ETV4: variants seen among roughly 807,000 people sequenced by gnomAD.
ETV4 encodes ETS translocation variant 4.
A neutral mutation model predicts 65.9 loss-of-function variants in ETV4; 42 were observed. The observed-to-expected ratio is 0.64, with a 90% confidence interval of 0.50 to 0.82. The LOEUF is 0.82. Ranked by LOEUF, ETV4 falls within the 40% of genes least tolerant of loss-of-function variation. The pLI, the probability that ETV4 is intolerant of heterozygous loss-of-function variation, is 0.00. For synonymous variants in ETV4, 238 were observed against 260.0 expected (o/e 0.92, Z 0.81); for missense variants, 583 against 630.3 (o/e 0.92, Z 0.80).
At chr17:43,535,672 T>C (rs1436042424) in intron 5 of ETV4, among the ~76,000 whole-genome samples, 1 of 152,226 alleles carries the variant, frequency 6.6e-6, no homozygotes, top group Non-Finnish European at 1.5e-5. Context: ...CATCATAGGA[T>C]GCTTTTAGCA....
At position 43,528,549 on chromosome 17, in the gene ETV4, T is replaced by C. The variant is rs767526603; in HGVS notation, c.1425A>G (p.Pro475=). The change falls in exon 13 of 13, where the codon CCA becomes CCG. Residue 475 remains proline (P), a synonymous_variant. Coordinates refer to ENST00000319349, the MANE Select transcript of ETV4 (RefSeq NM_001079675.5). Reference sequence around the variant, plus strand: ...AAGAGTAGCCACCCTTGGGGCCAAATGGCTGGGCGGGGCCAGCCAGCTCTG... The same window carrying C: ...AAGAGTAGCCACCCTTGGGGCCAAACGGCTGGGCGGGGCCAGCCAGCTCTG... The part of the protein sequence containing the change: ...YLPELAGPAQ[P]FGPKGGYSY 5 of 1,612,522 alleles carry C rather than the reference T, an allele frequency of 3.1e-6. No homozygotes were observed. In the South Asian group the frequency reaches 5.5e-5, roughly 18 times the overall value.
At chr17:43,534,089 A>C in intron 5 of ETV4, 104 bp from the exon 6 acceptor site, 1 of 1,234,352 alleles carries the variant, frequency 8.1e-7, no homozygotes. Context: ...GGTGACTGGT[A>C]CAGCCTCCTT....
chr17:43,536,680 T>TA (rs1271635410), intron 4 of ETV4, among the ~76,000 whole-genome samples: 3 of 152,270 alleles, frequency 2.0e-5, no homozygotes, highest in Non-Finnish European at 4.4e-5. Context: ...CTGATGAACT[T>TA]AAAATCACAA....
chr17:43,534,722 C>T (rs1435146483), intron 5 of ETV4, among the ~76,000 whole-genome samples: 1 of 152,026 alleles, frequency 6.6e-6, no homozygotes, highest in Middle Eastern at 3.4e-3. Context: ...GGCGGATCAC[C>T]TGAAGTCAGA....
chr17:43,539,591 C>T (rs910924613), intron 4 of ETV4, among the ~76,000 whole-genome samples: 4 of 152,214 alleles, frequency 2.6e-5, no homozygotes, highest in Admixed American at 6.5e-5. Flanking sequence ...TTAGAGTAGA[C>T]GCTCAGTGCT....
Position 43,529,590 on chromosome 17 carries a change from C to T in ETV4, c.1042G>A (p.Val348Met), listed in dbSNP as rs565884490. The T allele has an allele frequency of 6.2e-7, 1 of 1,614,124 alleles. No homozygotes were observed. Among genetic ancestry groups the T allele is most frequent in the Admixed American group, 1.7e-5 (1 of 60,022 alleles). ...TTTGTTGGGTCATCCAGCAAGGCCA[C>T]CAGAAATTGCCACAGCTGCAGGGCA... ...RGALQLWQFL[V>M]ALLDDPTNAH... The change falls in exon 11 of 13, where the codon GTG (valine) becomes ATG (methionine). Residue 348 changes from valine to methionine, a missense_variant. Val to Met is a conservative substitution (Grantham distance 21). Transcript: ENST00000319349.
chr17:43,529,345 T>A, intron 11 of ETV4, 109 bp from the exon 12 acceptor site: 2 of 1,401,908 alleles, frequency 1.4e-6, no homozygotes, highest in Admixed American at 1.8e-5. Context: ...CCAAGCTAGC[T>A]CTGCAACAAA....
chr17:43,532,296 C>A (rs563354684), intron 8 of ETV4, among the ~76,000 whole-genome samples: 1 of 152,228 alleles, frequency 6.6e-6, no homozygotes, highest in African/African-American at 2.4e-5. Context: ...GTCAGGAGTT[C>A]GAGACCATCC....
chr17:43,530,491 A>AG (rs565199743), intron 8 of ETV4: 1 of 1,248,724 alleles, frequency 8.0e-7, no homozygotes, highest in South Asian at 1.7e-5. Flanking sequence ...GTTCAGGGGG[A>AG]GGAGGGAGGG....
intron 5 of ETV4, 59 bp downstream of exon 5, chr17:43,536,367 T>C (rs751298923): frequency 7.0e-7 from 1 of 1,438,684 alleles, no homozygotes; most frequent in South Asian, 1.1e-5. Context: ...CTCTATCCTA[T>C]GACTCACTTC....
chr17:43,530,438 T>C, intron 8 of ETV4: 2 of 1,382,840 alleles, frequency 1.4e-6, no homozygotes, highest in Non-Finnish European at 1.9e-6. Context: ...GGGCAAGCTG[T>C]TCTGAAGGGC....
Position 43,533,339 on chromosome 17 carries a change from G to A in ETV4, c.393C>T (p.Asp131=), listed in dbSNP as rs934111095. 6 of 1,613,232 alleles carry A rather than the reference G, an allele frequency of 3.7e-6. No homozygotes were observed. In the African/African-American group the frequency reaches 5.3e-5, roughly 14 times the overall value. ...GEQCLYSSAY[D]PPRQIAIKSP... is the part of the protein sequence containing the mutation. ...ACTTGATGGCGATTTGTCTGGGGGG[G>A]TCATAGGCACTGGAGTTGAGAAGGA... The change falls in exon 7 of 13, where the codon GAC becomes GAT. Residue 131 remains aspartate, a synonymous_variant. Transcript: ENST00000319349.
At chr17:43,538,692 T>C (rs2154587205) in intron 4 of ETV4, among the ~76,000 whole-genome samples, 1 of 152,214 alleles carries the variant, frequency 6.6e-6, no homozygotes, top group South Asian at 2.1e-4. Flanking sequence ...CTCTCAAAAA[T>C]AAATGGATCA....
intron 8 of ETV4, among the ~76,000 whole-genome samples, chr17:43,531,613 A>G (rs547580688): frequency 6.6e-6 from 1 of 152,332 alleles, no homozygotes; most frequent in South Asian, 2.1e-4. Context: ...CTGAAGCATG[A>G]GAATCGCTTG....
At chr17:43,543,296 T>TCTCTCTCTCTCTCA (rs888736657) in intron 4 of ETV4, among the ~76,000 whole-genome samples, 115 of 143,400 alleles carry the variant, frequency 8.0e-4, no homozygotes, top group Non-Finnish European at 9.6e-4. Flanking sequence ...TCTCTCTCTC[T>TCTCTCTCTCTCTCA]CACACACACA....
At chr17:43,545,238 G>A (rs753852095) in intron 3 of ETV4, 36 bp downstream of exon 3, 1 of 863,214 alleles carries the variant, frequency 1.2e-6, no homozygotes, top group Non-Finnish European at 1.8e-6. Flanking sequence ...TGTGTGTGGC[G>A]GAGGAGGGTC....
chr17:43,528,953 TAC>T (rs1488080420), intron 12 of ETV4, among the ~76,000 whole-genome samples, 180 bp downstream of exon 12: 3 of 152,298 alleles, frequency 2.0e-5, no homozygotes, highest in East Asian at 3.9e-4. Context: ...GCTTCTCAGT[TAC>T]AGTGTTGCAC....
intron 8 of ETV4, among the ~76,000 whole-genome samples, chr17:43,531,001 C>T (rs1410590870): frequency 6.6e-6 from 1 of 152,140 alleles, no homozygotes; most frequent in Admixed American, 6.5e-5. Context: ...CAATCCCCTC[C>T]GGTCTACAGC....
At chr17:43,535,367 TC>T (rs1411018284) in intron 5 of ETV4, among the ~76,000 whole-genome samples, 1 of 152,148 alleles carries the variant, frequency 6.6e-6, no homozygotes, top group African/African-American at 2.4e-5. Flanking sequence ...AACCTCCGCC[TC>T]CCAGGTTCAA....
Sources: gnomAD v4.1 joint callset for allele counts (sites outside exome capture counted in the v4.1 genomes callset) on GRCh38, gnomAD v4.1.1 for gene constraint, MANE v1.5 for transcripts, NCBI Gene and HGNC (gene_info 2026-07-23, HGNC 2026-07-21) for gene names.